NRG1: variants seen among roughly 807,000 people sequenced by gnomAD.
NRG1 encodes pro-neuregulin-1, membrane-bound isoform.
In NRG1, 18 loss-of-function variants were observed where a neutral mutation model predicts 63.8. The observed-to-expected ratio is 0.28, with a 90% confidence interval of 0.19 to 0.42. NRG1 has a LOEUF of 0.42. Ranked by LOEUF, NRG1 falls within the 10% of genes least tolerant of loss-of-function variation. NRG1 has a pLI of 1.00. For synonymous variants in NRG1, 302 were observed against 301.3 expected, an observed-to-expected ratio of 1.00 and a Z score of -0.02; for missense variants, 762 against 814.7, an observed-to-expected ratio of 0.94 and a Z score of 0.79.
At chr8:32,395,504 C>G (rs1226344857) in intron 1 of NRG1, among the ~76,000 whole-genome samples, 1 of 151,962 alleles carries the variant, frequency 6.6e-6, no homozygotes, top group Non-Finnish European at 1.5e-5. Context: ...TATTGAGCAT[C>G]TTTTCATGAG....
chr8:32,771,761 G>C (rs1589681295), downstream of NRG1, among the ~76,000 whole-genome samples: 1 of 141,246 alleles, frequency 7.1e-6, no homozygotes, highest in South Asian at 2.2e-4. Flanking sequence ...GGTGGCTCAT[G>C]ACTGTAATCC....
At position 32,029,313 on chromosome 8, in the gene NRG1, A is replaced by G. The variant is rs554039773; in HGVS notation, c.37+389882A>G. 18 of 152,340 alleles carry G rather than the reference A, an allele frequency of 1.2e-4. No individual in the cohort carries two copies. In the East Asian group the frequency reaches 2.7e-3, roughly 23 times the overall value. The allele number at this position is 152,340 out of a possible 1,614,324, so 9.4% of individuals were successfully genotyped here. A position where few individuals can be genotyped will look rare whatever the true frequency, so the allele number is the denominator to read the frequency against. On this transcript the variant is annotated intron_variant, in intron 1 of 10. Coordinates refer to the NRG1 transcript ENST00000519301. Reference sequence around the variant, plus strand: ...CTGCCATTGTTAATATATTCTTATTATAAAAAGACAAAATTTCAACACATT... The same window carrying G: ...CTGCCATTGTTAATATATTCTTATTGTAAAAAGACAAAATTTCAACACATT...
intron 6 of NRG1, among the ~76,000 whole-genome samples, chr8:32,738,886 C>A (rs1348903622): frequency 6.6e-6 from 1 of 152,182 alleles, no homozygotes; most frequent in African/African-American, 2.4e-5. Flanking sequence ...TGGGCACTTG[C>A]AGTTTGTTTT....
chr8:31,807,822 A>G (rs1174113516), intron 1 of NRG1, among the ~76,000 whole-genome samples: 1 of 152,120 alleles, frequency 6.6e-6, no homozygotes, highest in Non-Finnish European at 1.5e-5. Context: ...ACATTTTATG[A>G]GTAGAATTAT....
At chr8:31,667,079 T>A (rs1319585705) in intron 1 of NRG1, among the ~76,000 whole-genome samples, 1 of 152,240 alleles carries the variant, frequency 6.6e-6, no homozygotes, top group African/African-American at 2.4e-5. Context: ...AACCGAATAC[T>A]CTGGGAGACA....
chr8:32,083,113 CCAA>C (rs1264555320), intron 1 of NRG1, among the ~76,000 whole-genome samples: 1 of 152,192 alleles, frequency 6.6e-6, no homozygotes, highest in East Asian at 1.9e-4. Flanking sequence ...AGCACTAAAC[CCAA>C]CGTACTCACA....
At chr8:32,308,041 A>T (rs2129475718) in intron 1 of NRG1, among the ~76,000 whole-genome samples, 1 of 152,278 alleles carries the variant, frequency 6.6e-6, no homozygotes, top group Non-Finnish European at 1.5e-5. Context: ...GAAAACGGGA[A>T]CCATGCTCCA....
At chr8:32,106,966 T>C (rs1831349218) in intron 1 of NRG1, among the ~76,000 whole-genome samples, 1 of 152,206 alleles carries the variant, frequency 6.6e-6, no homozygotes, top group Non-Finnish European at 1.5e-5. Context: ...CTCACGCCTG[T>C]AATCCCAGTA....
rs199950277 is a variant in NRG1 at position 32,614,464 on chromosome 8, C to G, written c.401-50C>G. 5.2e-4 allele frequency: 828 copies of G among 1,586,374 alleles called. 1 individual carries two copies. The highest frequency in any genetic ancestry group is 3.4e-3 in the South Asian group (307 of 89,828). On this transcript the variant is annotated intron_variant, in intron 3 of 11. Coordinates refer to ENST00000356819, the Ensembl canonical transcript of NRG1. ...TCCAAGGCAGGCTGTGGTACCTGCTCCCGGCCTCCTGTTTATATATCATAA... is the reference window on the plus strand; with the variant it reads ...TCCAAGGCAGGCTGTGGTACCTGCTGCCGGCCTCCTGTTTATATATCATAA...
intron 1 of NRG1, among the ~76,000 whole-genome samples, chr8:31,926,066 G>C (rs995524744): frequency 6.6e-6 from 1 of 152,138 alleles, no homozygotes; most frequent in African/African-American, 2.4e-5. Flanking sequence ...TGTTATCTCA[G>C]AGAGGAATGT....
intron 1 of NRG1, among the ~76,000 whole-genome samples, chr8:31,985,573 T>A (rs1809922801): frequency 6.7e-6 from 1 of 149,510 alleles, no homozygotes; most frequent in African/African-American, 2.4e-5. Context: ...ATGATTTTGA[T>A]TTTTTTTTTA....
At chr8:32,294,588 C>A (rs939293328) in intron 1 of NRG1, among the ~76,000 whole-genome samples, 2 of 152,174 alleles carry the variant, frequency 1.3e-5, no homozygotes, top group Non-Finnish European at 2.9e-5. Context: ...CCAGTGCCTA[C>A]CAGTTGCACA....
chr8:31,852,113 G>A (rs1250576959), intron 1 of NRG1, among the ~76,000 whole-genome samples: 2 of 151,748 alleles, frequency 1.3e-5, no homozygotes, highest in Non-Finnish European at 2.9e-5. Context: ...CAGTCCTTTG[G>A]GTATATACCC....
intron 1 of NRG1, among the ~76,000 whole-genome samples, chr8:31,948,144 TAAAA>T (rs1304227042): frequency 6.6e-6 from 1 of 152,146 alleles, no homozygotes; most frequent in East Asian, 1.9e-4. Flanking sequence ...TATCTATAAA[TAAAA>T]GTTATTTACC....
chr8:31,838,718 C>T (rs1008292042), intron 1 of NRG1, among the ~76,000 whole-genome samples: 1 of 152,076 alleles, frequency 6.6e-6, no homozygotes, highest in African/African-American at 2.4e-5. Flanking sequence ...TGCATGTATG[C>T]ATCAAAGCTA....
intron 1 of NRG1, among the ~76,000 whole-genome samples, chr8:32,464,532 T>C (rs1201673099): frequency 6.6e-6 from 1 of 152,162 alleles, no homozygotes; most frequent in Admixed American, 6.5e-5. Flanking sequence ...CTGTAGTTCA[T>C]ACTGCAAAAA....
rs988216077 is a variant in NRG1, at chr8:32,742,061, T to C, written c.633-614T>C. On this transcript the variant is annotated intron_variant, in intron 6 of 11. Transcript: ENST00000356819. The surrounding 1 kb of genome is among the most constrained non-coding windows in gnomAD (Gnocchi z 4.2). ...TGTACTGAGAATGTGCCCATGAAAG[T>C]CCAAAACCAAGAAAGTATGTCAAAA... 1.2e-6 allele frequency: 2 copies of C among 1,613,536 alleles called. No individual in the cohort carries two copies. Among genetic ancestry groups the C allele is most frequent in the African/African-American group, 1.3e-5 (1 of 74,956 alleles).
At chr8:32,326,748 A>G (rs1402182455) in intron 1 of NRG1, among the ~76,000 whole-genome samples, 1 of 152,244 alleles carries the variant, frequency 6.6e-6, no homozygotes, top group East Asian at 1.9e-4. Flanking sequence ...TAAAAAAATT[A>G]GAAACATAGA....
At chr8:32,694,267 G>C (rs1399687281) in intron 5 of NRG1, among the ~76,000 whole-genome samples, 2 of 152,120 alleles carry the variant, frequency 1.3e-5, no homozygotes, top group Admixed American at 1.3e-4. Flanking sequence ...TTAAAGCCTA[G>C]ATTGCAGATG....
Sources: gnomAD v4.1 joint callset for allele counts (sites outside exome capture counted in the v4.1 genomes callset) on GRCh38, gnomAD v4.1.1 for gene constraint, Gnocchi (gnomAD v3.1) non-coding constraint, MANE v1.5 for transcripts, NCBI Gene and HGNC (gene_info 2026-07-23, HGNC 2026-07-21) for gene names.